Variants in NCAPD3 observed in about 807,000 individuals in gnomAD.
The protein encoded by NCAPD3 is non-SMC condensin II complex subunit D3, also known as condensin-2 complex subunit D3.
Under a neutral mutation model 182.9 loss-of-function variants are expected in NCAPD3, and 105 were observed. The observed-to-expected ratio is 0.57, with a 90% CI of 0.49 to 0.68. The LOEUF (loss-of-function observed/expected upper bound fraction) is 0.68. Among genes scored for constraint, NCAPD3 ranks in the 30% least tolerant of loss-of-function variants. The pLI, the probability that NCAPD3 is intolerant of heterozygous loss-of-function variation, is 0.00. For synonymous variants in NCAPD3, 815 were observed against 679.9 expected (o/e 1.20, Z -3.09); for missense variants, 1,944 against 1,837.0 (o/e 1.06, Z -1.07).
Position 134,178,757 on chromosome 11 carries a change from A to T in NCAPD3, c.2675-16T>A. 1 of 1,608,988 alleles carries T rather than the reference A, an allele frequency of 6.2e-7. No homozygotes were observed. Among genetic ancestry groups the T allele is most frequent in the South Asian group, 1.1e-5 (1 of 90,818 alleles). ...GATGATGGTGCTGCAAAGAAGGGAG[A>T]GAAAGTTACCGACAGAACCTTGAAA... On this transcript the variant is annotated splice_polypyrimidine_tract_variant and intron_variant, in intron 21 of 34. Coordinates refer to ENST00000534548, the MANE Select transcript of NCAPD3 (RefSeq NM_015261.3).
rs1943943153 is a variant in NCAPD3 at position 134,169,072 on chromosome 11, A to G, written c.3102-18T>C. 6.2e-7 allele frequency: 1 copy of G among 1,609,334 alleles called. No individual in the cohort carries two copies. Among genetic ancestry groups the G allele is most frequent in the African/African-American group, 1.3e-5 (1 of 74,832 alleles). On this transcript the variant is annotated intron_variant, in intron 24 of 34. Transcript: ENST00000534548. ...CCCCGAAGCTGCAAAGGTGAGAGAA[A>G]CAAAGAGGGAGACCCATTTGCTATG...
Position 134,208,175 on chromosome 11 carries a change from C to T in NCAPD3, c.882+689G>A, listed in dbSNP as rs117421210. 3.7e-4 allele frequency among the ~76,000 whole-genome samples: 56 copies of T among 152,340 alleles called. No individual in the cohort carries two copies. The East Asian group carries it at 0.01, about 28-fold the overall frequency. Reference sequence around the variant, plus strand: ...CAAAAATATCTTCGTAACCAGGTTACTGCCTCTGCAAGGTAACGCGTCGCA... The same window carrying T: ...CAAAAATATCTTCGTAACCAGGTTATTGCCTCTGCAAGGTAACGCGTCGCA... On this transcript the variant is annotated intron_variant, in intron 7 of 34. Transcript: ENST00000534548.
At chr11:134,181,246 C>T (rs538686315) in intron 19 of NCAPD3, 62 bp from the exon 20 acceptor site, 90 of 1,077,678 alleles carry the variant, frequency 8.4e-5, no homozygotes, top group Non-Finnish European at 1.2e-4. Context: ...ACCCATGAAA[C>T]ACCATGTTCT....
At chr11:134,166,781 GCGCACACTCGT>G (rs1943825391) in intron 27 of NCAPD3, among the ~76,000 whole-genome samples, 1 of 114,418 alleles carries the variant, frequency 8.7e-6, no homozygotes, top group Non-Finnish European at 1.8e-5. Flanking sequence ...CTTGGGGGAG[GCGCACACTCGT>G]GAGAGGAGCT....
intron 16 of NCAPD3, chr11:134,186,084 TATG>T (rs1215859963): frequency 2.0e-5 from 3 of 152,134 alleles, no homozygotes; most frequent in Non-Finnish European, 4.4e-5. Context: ...AACAATTAAA[TATG>T]ATGATATTAA....
intron 27 of NCAPD3, among the ~76,000 whole-genome samples, chr11:134,163,871 C>CAAAAAAAAA (rs60340458): frequency 2.5e-4 from 18 of 70,798 alleles, no homozygotes; most frequent in South Asian, 1.3e-3. Flanking sequence ...GATTCTGTCT[C>CAAAAAAAAA]AAAAAAAAAA....
intron 2 of NCAPD3, among the ~76,000 whole-genome samples, chr11:134,217,649 C>T (rs1443879922): frequency 6.6e-6 from 1 of 152,152 alleles, no homozygotes; most frequent in Non-Finnish European, 1.5e-5. Context: ...TCCATGTCTT[C>T]TCCTACTAAA....
At chr11:134,199,551 T>C (rs892102296) in intron 13 of NCAPD3, among the ~76,000 whole-genome samples, 4 of 152,204 alleles carry the variant, frequency 2.6e-5, no homozygotes, top group Admixed American at 1.3e-4. Flanking sequence ...TGCAGAATGA[T>C]ACACTCTCAC....
intron 16 of NCAPD3, among the ~76,000 whole-genome samples, chr11:134,188,769 G>A (rs991519039): frequency 2.6e-5 from 4 of 152,074 alleles, no homozygotes; most frequent in Non-Finnish European, 4.4e-5. Context: ...AACATGCATC[G>A]CGAAGGTCTG....
chr11:134,168,590 C>T lies in NCAPD3; in HGVS notation c.3252G>A (p.Leu1084=), dbSNP rs1236246425. ...KFPQSEREKR[L]FSLKGKSNKE... is the part of the protein sequence containing the mutation. ...TGTTTGACTTTCCCTTCAATGAAAA[C>T]AGCCGCTTCTCTCTGTGGCAGAACG... The change falls in exon 26 of 35, where the codon CTG becomes CTA. Residue 1084 remains leucine, a synonymous_variant. Transcript: ENST00000534548. The T allele has an allele frequency of 1.2e-6, 2 of 1,614,016 alleles. No homozygotes were observed. Among genetic ancestry groups the T allele is most frequent in the African/African-American group, 2.7e-5 (2 of 74,914 alleles).
At chr11:134,195,889 A>G (rs1383983105) in intron 13 of NCAPD3, among the ~76,000 whole-genome samples, 4 of 152,170 alleles carry the variant, frequency 2.6e-5, no homozygotes, top group Admixed American at 2.6e-4. Context: ...TCCAATATAC[A>G]TTCGTGAGGA....
chr11:134,217,086 A>C lies in NCAPD3; in HGVS notation c.232T>G (p.Phe78Val), dbSNP rs765170314. 1 of 1,611,390 alleles carries C rather than the reference A, an allele frequency of 6.2e-7. No individual in the cohort carries two copies. The highest frequency in any genetic ancestry group is 8.5e-7 in the Non-Finnish European group (1 of 1,179,028). Residue 78 changes from phenylalanine to valine, a missense_variant, in exon 3 of 35, where the codon TTC becomes GTC. Around this residue, in one of 3 missense-constraint regions of NCAPD3, gnomAD observed 131 missense variants for 133.9 expected, o/e 0.98. Transcript: ENST00000534548. ...EHGSMESIWTFFIENNVSHST... is the reference protein window; with the variant it reads ...EHGSMESIWTVFIENNVSHST... Reference sequence around the variant, plus strand: ...TGGGAAACATTGTTCTCAATGAAGAAGGTCCAGATACTCTGTGGGGAGACC... The same window carrying C: ...TGGGAAACATTGTTCTCAATGAAGACGGTCCAGATACTCTGTGGGGAGACC...
At position 134,176,547 on chromosome 11, in the gene NCAPD3, T is replaced by A. The variant is rs115013754; in HGVS notation, c.3022-161A>T. On this transcript the variant is annotated intron_variant, in intron 23 of 34. Transcript: ENST00000534548. The stretch of plus-strand genomic sequence containing the variant: ...TCGGAATGTAGTGCCGAGAAGTGTA[T>A]GTGCAGAACAACATCACCCTTCTAC... Among the ~76,000 whole-genome samples, 643 of 152,352 alleles carry A rather than the reference T, an allele frequency of 4.2e-3. 4 individuals carry two copies. Among genetic ancestry groups the A allele is most frequent in the African/African-American group, 0.015 (616 of 41,590 alleles).
At chr11:134,173,970 A>C (rs1397822986) in intron 24 of NCAPD3, among the ~76,000 whole-genome samples, 2 of 152,024 alleles carry the variant, frequency 1.3e-5, no homozygotes, top group African/African-American at 2.4e-5. Flanking sequence ...CAAAAAAAAA[A>C]AGAAAACAAA....
chr11:134,220,975 G>T (rs1938206957), intron 1 of NCAPD3, among the ~76,000 whole-genome samples: 1 of 152,218 alleles, frequency 6.6e-6, no homozygotes. Context: ...ATACTTTTCA[G>T]ATACAAGAGT....
At chr11:134,168,648 G>T in intron 25 of NCAPD3, 46 bp from the exon 26 acceptor site, 1 of 1,610,788 alleles carries the variant, frequency 6.2e-7, no homozygotes, top group Non-Finnish European at 8.5e-7. Context: ...GGGCACGGGT[G>T]TAAGGGATTT....
chr11:134,203,043 T>C, intron 12 of NCAPD3, 99 bp downstream of exon 12: 1 of 1,199,522 alleles, frequency 8.3e-7, no homozygotes, highest in East Asian at 2.4e-5. Flanking sequence ...AAGTACAATG[T>C]TAAAGCAGGT....
intron 17 of NCAPD3, 22 bp downstream of exon 17, chr11:134,185,313 G>T: frequency 1.9e-6 from 3 of 1,570,512 alleles, no homozygotes; most frequent in Non-Finnish European, 1.7e-6. Context: ...TGTCATTACT[G>T]GTTAAATTAG....
At chr11:134,195,883 A>C (rs1455100319) in intron 13 of NCAPD3, among the ~76,000 whole-genome samples, 1 of 152,230 alleles carries the variant, frequency 6.6e-6, no homozygotes, top group African/African-American at 2.4e-5. Context: ...GAAAACTCCA[A>C]TATACATTCG....
Sources: allele counts gnomAD v4.1 joint callset (sites outside exome capture counted in the v4.1 genomes callset), GRCh38; gene constraint gnomAD v4.1.1; regional missense constraint gnomAD v4.1.1; transcripts MANE v1.5; gene names NCBI Gene and HGNC (gene_info 2026-07-23, HGNC 2026-07-21).